ATG10: variants seen among roughly 807,000 people sequenced by gnomAD.
ATG10 encodes autophagy related 10.
A neutral mutation model predicts 32.1 loss-of-function variants in ATG10; 30 were observed. That is an observed-to-expected ratio of 0.94 (90% CI 0.70 to 1.27). ATG10 has a LOEUF of 1.27. Ranked by LOEUF, ATG10 falls within the 50% of genes most tolerant of loss-of-function variation. The pLI is 0.00. For missense variants in ATG10, 233 were observed against 262.3 expected (o/e 0.89, Z 0.77); for synonymous variants, 87 against 91.5 (o/e 0.95, Z 0.28).
rs887949587 is a variant in ATG10, at chr5:81,991,380, G to A, written c.108+3702G>A. Among the ~76,000 whole-genome samples, 3 of 152,036 alleles carry A rather than the reference G, an allele frequency of 2.0e-5. No homozygotes were observed. The South Asian group carries it at 6.2e-4, about 31-fold the overall frequency. On this transcript the variant is annotated intron_variant, in intron 2 of 7. Transcript: ENST00000282185. ...ATACAATAAACTACATATATTTAAAGTGTGTAATTTATTAAGTTTTGACGT... is the reference window on the plus strand; with the variant it reads ...ATACAATAAACTACATATATTTAAAATGTGTAATTTATTAAGTTTTGACGT...
chr5:82,190,773 C>CAAA lies in ATG10; in HGVS notation c.453+12215_453+12217dup, dbSNP rs35513819. Among the ~76,000 whole-genome samples the CAAA allele has an allele frequency of 1.1e-3, 60 of 53,694 alleles. 1 individual carries two copies. The highest frequency in any genetic ancestry group is 3.8e-3 in the South Asian group (3 of 788). 35.2% of individuals were successfully genotyped at this position (53,694 alleles called of 152,430 possible). On this transcript the variant is annotated intron_variant, in intron 5 of 7. Coordinates refer to ENST00000282185, the MANE Select transcript of ATG10 (RefSeq NM_031482.5). ...TGGGCAACAGAGTGAGACTCCATCT[C>CAAA]AAAAAAAAAAAAAAAAAAAAAAAAA...
intron 5 of ATG10, among the ~76,000 whole-genome samples, chr5:82,240,838 A>G (rs1042538921): frequency 2.0e-5 from 3 of 152,218 alleles, no homozygotes; most frequent in Non-Finnish European, 4.4e-5. Flanking sequence ...GAGAAAAGTT[A>G]TAGATTTAAT....
At chr5:82,202,849 G>T (rs1419017220) in intron 5 of ATG10, among the ~76,000 whole-genome samples, 1 of 152,290 alleles carries the variant, frequency 6.6e-6, no homozygotes, top group East Asian at 1.9e-4. Context: ...TTCTCTCAAG[G>T]GTTTAAGCTG....
intron 2 of ATG10, among the ~76,000 whole-genome samples, chr5:82,016,686 T>C (rs549990165): frequency 6.6e-6 from 1 of 151,784 alleles, no homozygotes; most frequent in Admixed American, 6.6e-5. Context: ...GGTCATTTTC[T>C]TTCTTTCTTT....
intron 5 of ATG10, among the ~76,000 whole-genome samples, chr5:82,228,757 G>GGGTAT (rs1234025707): frequency 6.6e-6 from 1 of 152,076 alleles, no homozygotes; most frequent in Non-Finnish European, 1.5e-5. Context: ...TGTGTACCTG[G>GGGTAT]GGTATATAGA....
intron 2 of ATG10, among the ~76,000 whole-genome samples, chr5:82,049,449 T>C (rs954073878): frequency 6.6e-6 from 1 of 151,348 alleles, no homozygotes; most frequent in African/African-American, 2.4e-5. Flanking sequence ...TACGTAATGC[T>C]AGATGACGAG....
intron 1 of ATG10, among the ~76,000 whole-genome samples, chr5:81,984,309 C>G (rs975198277): frequency 6.6e-6 from 1 of 152,236 alleles, no homozygotes; most frequent in South Asian, 2.1e-4. Flanking sequence ...CGCCTGCAAT[C>G]GCAGGCACTC....
At chr5:82,004,101 C>T (rs1384542500) in intron 2 of ATG10, among the ~76,000 whole-genome samples, 1 of 147,482 alleles carries the variant, frequency 6.8e-6, no homozygotes, top group Non-Finnish European at 1.5e-5. Context: ...CTACTGCATT[C>T]CAGCCTGCTC....
intron 4 of ATG10, among the ~76,000 whole-genome samples, chr5:82,165,353 A>G (rs1743532783): frequency 6.6e-6 from 1 of 152,224 alleles, no homozygotes; most frequent in Non-Finnish European, 1.5e-5. Context: ...CTGGATAGCT[A>G]AGACATCTGA....
chr5:82,079,282 A>G (rs1209883581), intron 3 of ATG10, among the ~76,000 whole-genome samples: 2 of 152,168 alleles, frequency 1.3e-5, no homozygotes, highest in African/African-American at 4.8e-5. Context: ...AGGCCTCACA[A>G]TCATGGCAGA....
At chr5:82,053,359 G>C (rs966564569) in intron 2 of ATG10, among the ~76,000 whole-genome samples, 1 of 151,972 alleles carries the variant, frequency 6.6e-6, no homozygotes, top group African/African-American at 2.4e-5. Flanking sequence ...TTTATATTTT[G>C]AGGAAATTAA....
chr5:82,118,827 C>T (rs1185894570), intron 3 of ATG10, among the ~76,000 whole-genome samples: 1 of 151,872 alleles, frequency 6.6e-6, no homozygotes, highest in Non-Finnish European at 1.5e-5. Context: ...AGGAGGTAGA[C>T]AGAGAAAGAG....
chr5:82,015,877 C>G (rs543234741), intron 2 of ATG10, among the ~76,000 whole-genome samples: 46 of 152,210 alleles, frequency 3.0e-4, no homozygotes, highest in African/African-American at 1.1e-3. Context: ...TGAGGAGCTG[C>G]GTTCCTTTGG....
At chr5:81,978,755 G>T (rs1328239907) in intron 1 of ATG10, among the ~76,000 whole-genome samples, 1 of 152,038 alleles carries the variant, frequency 6.6e-6, no homozygotes, top group Non-Finnish European at 1.5e-5. Context: ...TGAATTCCTA[G>T]CCTCAAGTGA....
chr5:82,164,403 C>A lies in ATG10; in HGVS notation c.221C>A (p.Ala74Asp). Residue 74 changes from alanine (A) to aspartate (D), a missense_variant, in exon 4 of 8, where the codon GCT (alanine) becomes GAT (aspartate). By Grantham distance (126) the Ala-to-Asp change is moderately radical (BLOSUM62 -2). Transcript: ENST00000282185. ...TTTGTTTTTGCTTTTTTTTAGGAGG[C>A]TTTCGAGCTACCCTTGGATGATTGT... ...HGQTCLPMEE[A>D]FELPLDDCEV... 1 of 1,613,012 alleles carries A rather than the reference C, an allele frequency of 6.2e-7. No individual in the cohort carries two copies. The highest frequency in any genetic ancestry group is 8.5e-7 in the Non-Finnish European group (1 of 1,179,770).
chr5:82,228,379 A>G (rs1400725863), intron 5 of ATG10, among the ~76,000 whole-genome samples: 3 of 152,204 alleles, frequency 2.0e-5, no homozygotes, highest in Non-Finnish European at 4.4e-5. Context: ...TGACAACTCA[A>G]TCAGACATCT....
chr5:82,241,554 A>C (rs1746802483), intron 5 of ATG10, among the ~76,000 whole-genome samples: 1 of 151,950 alleles, frequency 6.6e-6, no homozygotes, highest in Admixed American at 6.6e-5. Flanking sequence ...CTGACCAACC[A>C]CACTGGTCTT....
At chr5:82,160,634 G>A (rs905150030) in intron 3 of ATG10, among the ~76,000 whole-genome samples, 1 of 152,142 alleles carries the variant, frequency 6.6e-6, no homozygotes, top group African/African-American at 2.4e-5. Context: ...GTATGATCTA[G>A]TTTCTCTGTA....
At position 82,072,326 on chromosome 5, in the gene ATG10, G is replaced by A. The variant is rs79046325; in HGVS notation, c.216+13724G>A. Among the ~76,000 whole-genome samples the A allele has an allele frequency of 7.8e-4, 118 of 152,216 alleles. 1 individual carries two copies. In the East Asian group the frequency reaches 0.021, roughly 28 times the overall value. ...TATATAGCTGTTGCAGGGATTGTTT[G>A]GTAGCTACGGGTGACAGCTCTGCCC... On this transcript the variant is annotated intron_variant, in intron 3 of 7. Transcript: ENST00000282185.
Sources: gnomAD v4.1 joint callset for allele counts (sites outside exome capture counted in the v4.1 genomes callset) on GRCh38, gnomAD v4.1.1 for gene constraint, MANE v1.5 for transcripts, NCBI Gene and HGNC (gene_info 2026-07-23, HGNC 2026-07-21) for gene names.